The following EMC2 variants were observed in gnomAD, a reference collection of about 807,000 sequenced individuals.
The protein encoded by EMC2 is TPR repeat protein 35.
In EMC2, 37 loss-of-function variants were observed where a neutral mutation model predicts 51.6. The observed-to-expected ratio is 0.72, with a 90% CI of 0.55 to 0.94. The LOEUF (loss-of-function observed/expected upper bound fraction) is 0.94, where lower values mean the gene tolerates loss of function less well. Ranked by LOEUF, EMC2 falls within the 40% of genes least tolerant of loss-of-function variation. EMC2 has a pLI of 0.00. For synonymous variants in EMC2, 131 were observed against 112.4 expected (o/e 1.17, Z -1.04); for missense variants, 359 against 350.9 (o/e 1.02, Z -0.18).
At chr8:108,453,181 C>T in intron 4 of EMC2, 34 bp downstream of exon 4, 2 of 1,284,814 alleles carry the variant, frequency 1.6e-6, no homozygotes, top group Non-Finnish European at 2.2e-6. Context: ...AGGCATGGAG[C>T]CTGTTAATCA....
chr8:108,473,869 C>G (rs1810902443), intron 7 of EMC2: 1 of 151,958 alleles, frequency 6.6e-6, no homozygotes, highest in African/African-American at 2.4e-5. Flanking sequence ...TTTTACTTCT[C>G]TATTCTTAGT....
At position 108,486,488 on chromosome 8, in the gene EMC2, C is replaced by CTTTTTT. The variant is rs34429579; in HGVS notation, c.808-12_808-7dup. ...GCCACTGAAATTGAGCCTAATTGAGCTTTTTTTTTTTTTTTTTAATTAGTT... is the reference window on the plus strand; with the variant it reads ...GCCACTGAAATTGAGCCTAATTGAGCTTTTTTTTTTTTTTTTTTTTTTTAATTAGTT... On this transcript the variant is annotated intron_variant, in intron 10 of 10. Transcript: ENST00000220853. 8.4e-5 allele frequency: 111 copies of CTTTTTT among 1,324,610 alleles called. 2 individuals carry two copies. Among genetic ancestry groups the CTTTTTT allele is most frequent in the South Asian group, 5.0e-4 (26 of 51,900 alleles). 82.1% of individuals were successfully genotyped at this position (1,324,610 alleles called of 1,614,324 possible).
At chr8:108,461,674 G>A (rs1468123933) in intron 5 of EMC2, among the ~76,000 whole-genome samples, 1 of 152,058 alleles carries the variant, frequency 6.6e-6, no homozygotes, top group South Asian at 2.1e-4. Context: ...TGGTGGAATG[G>A]CATACCTTCT....
At position 108,479,114 on chromosome 8, in the gene EMC2, A is replaced by G; in HGVS notation, c.807+4A>G. 2 of 1,493,510 alleles carry G rather than the reference A, an allele frequency of 1.3e-6. No individual in the cohort carries two copies. Among genetic ancestry groups the G allele is most frequent in the South Asian group, 2.7e-5 (2 of 75,266 alleles). The allele number at this position is 1,493,510 out of a possible 1,614,324, so 92.5% of individuals were successfully genotyped here. A position where few individuals can be genotyped will look rare whatever the true frequency, so the allele number is the denominator to read the frequency against. ...TCAAATAAACAGAGCTTATCAGGTT[A>G]GTATTTATTGATCATTTTGCTATGT... On this transcript the variant is annotated splice_donor_region_variant and intron_variant, in intron 10 of 10. Coordinates refer to ENST00000220853, the MANE Select transcript of EMC2 (RefSeq NM_014673.5).
At chr8:108,473,828 T>C (rs190689342) in intron 7 of EMC2, 1 of 152,166 alleles carries the variant, frequency 6.6e-6, no homozygotes, top group Non-Finnish European at 1.5e-5. Context: ...TAATAACAAT[T>C]GTTATTCTGT....
In EMC2 at chr8:108,487,940, C is replaced by T. The variant is rs960301818; in HGVS notation, c.*1342C>T. ...AATTCTCTACTAATCTTTATTACCACAAAGATCCCGTCTTTGTACACATGA... is the reference window on the plus strand; with the variant it reads ...AATTCTCTACTAATCTTTATTACCATAAAGATCCCGTCTTTGTACACATGA... On this transcript the variant is annotated 3_prime_UTR_variant, in exon 11 of 11. Coordinates refer to ENST00000220853, the MANE Select transcript of EMC2 (RefSeq NM_014673.5). 4.6e-5 allele frequency among the ~76,000 whole-genome samples: 7 copies of T among 152,122 alleles called. No homozygotes were observed. The highest frequency in any genetic ancestry group is 1.4e-4 in the African/African-American group (6 of 41,424).
chr8:108,453,909 C>T (rs1352001894), intron 4 of EMC2, among the ~76,000 whole-genome samples: 1 of 152,080 alleles, frequency 6.6e-6, no homozygotes, highest in African/African-American at 2.4e-5. Flanking sequence ...TTGTTAGTCA[C>T]ATAATAATAA....
At chr8:108,448,700 T>C (rs1382520545) in intron 1 of EMC2, among the ~76,000 whole-genome samples, 1 of 152,226 alleles carries the variant, frequency 6.6e-6, no homozygotes, top group Non-Finnish European at 1.5e-5. Flanking sequence ...GGTACGTCTT[T>C]ATCAGCAGTG....
intron 1 of EMC2, among the ~76,000 whole-genome samples, chr8:108,449,344 G>T (rs1818960802): frequency 6.6e-6 from 1 of 151,618 alleles, no homozygotes; most frequent in African/African-American, 2.4e-5. Context: ...CACGATCTCG[G>T]CTCACGCAAT....
Position 108,475,980 on chromosome 8 carries a change from C to T in EMC2, c.591+17C>T, listed in dbSNP as rs752050825. 7.2e-7 allele frequency: 1 copy of T among 1,392,128 alleles called. No homozygotes were observed. Among genetic ancestry groups the T allele is most frequent in the Admixed American group, 2.2e-5 (1 of 45,652 alleles). The allele number at this position is 1,392,128 out of a possible 1,614,324, so 86.2% of individuals were successfully genotyped here. ...TATGCTGAAGTAAGTGTTTTCAGAA[C>T]AATGGCATATAATTTTATTTTGGTT... On this transcript the variant is annotated intron_variant, in intron 8 of 10. Coordinates refer to ENST00000220853, the MANE Select transcript of EMC2 (RefSeq NM_014673.5).
chr8:108,473,650 C>G (rs2130396154), intron 7 of EMC2, among the ~76,000 whole-genome samples: 1 of 134,380 alleles, frequency 7.4e-6, no homozygotes, highest in Non-Finnish European at 1.6e-5. Flanking sequence ...TTTCATAAGT[C>G]CAGCCTTTTA....
intron 5 of EMC2, among the ~76,000 whole-genome samples, chr8:108,466,579 T>A (rs1361022843): frequency 1.3e-5 from 2 of 151,302 alleles, no homozygotes. Flanking sequence ...AGCTTCCTGA[T>A]TAGCTAGTAC....
At chr8:108,478,958 G>T in intron 9 of EMC2, 48 bp from the exon 10 acceptor site, 2 of 1,059,014 alleles carry the variant, frequency 1.9e-6, no homozygotes, top group Non-Finnish European at 2.7e-6. Context: ...TGATTATCTT[G>T]ACTAGCAAAA....
At chr8:108,471,299 AATTTT>A (rs1441439829) in intron 7 of EMC2, among the ~76,000 whole-genome samples, 2 of 151,892 alleles carry the variant, frequency 1.3e-5, no homozygotes, top group East Asian at 1.9e-4. Context: ...AATTAGCATT[AATTTT>A]ATTTTGTTTC....
At chr8:108,477,047 GT>G (rs1810960449) in intron 9 of EMC2, among the ~76,000 whole-genome samples, 155 bp downstream of exon 9, 1 of 151,846 alleles carries the variant, frequency 6.6e-6, no homozygotes, top group Admixed American at 6.6e-5. Context: ...TTGTGAGCCA[GT>G]TTTCTTTTTG....
intron 8 of EMC2, among the ~76,000 whole-genome samples, chr8:108,476,539 A>G (rs969482199): frequency 9.9e-5 from 15 of 151,904 alleles, no homozygotes; most frequent in Non-Finnish European, 2.2e-4. Flanking sequence ...TTGCGGCAGC[A>G]TTTTTGTTTT....
chr8:108,470,197 A>G (rs1485247286), intron 7 of EMC2, 76 bp downstream of exon 7: 2 of 961,420 alleles, frequency 2.1e-6, no homozygotes, highest in East Asian at 2.5e-5. Flanking sequence ...TGTGGTTTCC[A>G]AAGGATTGGT....
At chr8:108,464,818 TA>T (rs1819429158) in intron 5 of EMC2, among the ~76,000 whole-genome samples, 2 of 152,224 alleles carry the variant, frequency 1.3e-5, no homozygotes, top group Non-Finnish European at 2.9e-5. Context: ...CCGTAAACGG[TA>T]AATGTGTAAG....
rs997310242 is a variant in EMC2 at position 108,469,845 on chromosome 8, T to C, written c.383T>C (p.Ile128Thr). ...PTNTAARKRK[I>T]AIRKAQGKNV... ...CCACAGGCTGCAAGAAAGCGTAAGA[T>C]TGCCATTCGAAAAGCCCAGGGGAAA... is the stretch of plus-strand genomic sequence containing the variant. The change falls in exon 6 of 11, where the codon ATT (isoleucine) becomes ACT (threonine). Residue 128 changes from isoleucine to threonine, a missense_variant. Physicochemically the swap from Ile to Thr is moderately conservative, Grantham distance 89. Coordinates refer to ENST00000220853, the MANE Select transcript of EMC2 (RefSeq NM_014673.5). 1.9e-6 allele frequency: 3 copies of C among 1,613,330 alleles called. No individual in the cohort carries two copies. The highest frequency in any genetic ancestry group is 2.5e-6 in the Non-Finnish European group (3 of 1,179,492).
Sources: gnomAD v4.1 joint callset for allele counts (sites outside exome capture counted in the v4.1 genomes callset) on GRCh38, gnomAD v4.1.1 for gene constraint, MANE v1.5 for transcripts, NCBI Gene and HGNC (gene_info 2026-07-23, HGNC 2026-07-21) for gene names.